The following AUTS2 variants were observed in gnomAD, a reference collection of about 807,000 sequenced individuals.
AUTS2 encodes the protein activator of transcription and developmental regulator AUTS2, also known as autism susceptibility gene 2 protein.
Under a neutral mutation model 112.4 loss-of-function variants are expected in AUTS2, and 17 were observed. The ratio of observed to expected loss-of-function variants is 0.15; its 90% CI spans 0.10 to 0.23. The LOEUF is 0.23. AUTS2 is among the 10% of genes least tolerant of loss of function. The pLI, the probability that AUTS2 is intolerant of heterozygous loss-of-function variation, is 1.00. For synonymous variants in AUTS2, 751 were observed against 702.7 expected (o/e 1.07, Z -1.09); for missense variants, 1,510 against 1,701.6 (o/e 0.89, Z 1.98).
intron 5 of AUTS2, among the ~76,000 whole-genome samples, chr7:70,531,366 G>A (rs986637733): frequency 6.6e-6 from 1 of 152,160 alleles, no homozygotes; most frequent in Admixed American, 6.5e-5. Flanking sequence ...TGTGCGTGAG[G>A]GTTGTCTTAG....
At chr7:70,418,885 C>T (rs1795099126) in intron 4 of AUTS2, among the ~76,000 whole-genome samples, 1 of 151,412 alleles carries the variant, frequency 6.6e-6, no homozygotes, top group African/African-American at 2.4e-5. Flanking sequence ...GTATGCTTAG[C>T]AATTTTAAAG....
At chr7:69,808,606 G>A (rs1211893684) in intron 1 of AUTS2, among the ~76,000 whole-genome samples, 1 of 152,096 alleles carries the variant, frequency 6.6e-6, no homozygotes, top group Non-Finnish European at 1.5e-5. Flanking sequence ...TTATCTGGAT[G>A]GGCCCTTAGC....
At chr7:70,585,680 C>T (rs1466802881) in intron 5 of AUTS2, among the ~76,000 whole-genome samples, 6 of 152,028 alleles carry the variant, frequency 3.9e-5, no homozygotes, top group South Asian at 2.1e-4. Context: ...TAAAAGTATC[C>T]GAGTTTGAAT....
intron 1 of AUTS2, among the ~76,000 whole-genome samples, chr7:69,732,850 G>A: frequency 6.6e-6 from 1 of 152,114 alleles, no homozygotes; most frequent in East Asian, 1.9e-4. Context: ...CTTCTTCCTG[G>A]CACAGCTTTT....
At chr7:70,614,941 G>T (rs1442263017) in intron 5 of AUTS2, among the ~76,000 whole-genome samples, 1 of 152,318 alleles carries the variant, frequency 6.6e-6, no homozygotes, top group East Asian at 1.9e-4. Context: ...GATCACACAC[G>T]CATTGTTCTC....
chr7:70,025,274 C>T (rs1330935595), intron 2 of AUTS2, among the ~76,000 whole-genome samples: 1 of 152,036 alleles, frequency 6.6e-6, no homozygotes, highest in African/African-American at 2.4e-5. Context: ...TAAAGAGCTG[C>T]TAGCTTTTAT....
At chr7:70,033,608 A>G (rs903823962) in intron 2 of AUTS2, among the ~76,000 whole-genome samples, 1 of 152,318 alleles carries the variant, frequency 6.6e-6, no homozygotes, top group East Asian at 1.9e-4. Flanking sequence ...TAAGGAGAGA[A>G]TGTTGAAACC....
intron 2 of AUTS2, among the ~76,000 whole-genome samples, chr7:70,107,200 CA>C (rs1804809321): frequency 6.6e-6 from 1 of 152,024 alleles, no homozygotes; most frequent in Admixed American, 6.5e-5. Context: ...GTTTCAAGAA[CA>C]AAATCAGTGA....
intron 2 of AUTS2, among the ~76,000 whole-genome samples, chr7:69,976,570 C>T (rs1276171751): frequency 6.6e-6 from 1 of 152,164 alleles, no homozygotes; most frequent in Non-Finnish European, 1.5e-5. Context: ...AGCAGTTGCA[C>T]CATTTTACAA....
chr7:69,731,085 C>T (rs970563607), intron 1 of AUTS2, among the ~76,000 whole-genome samples: 1 of 152,108 alleles, frequency 6.6e-6, no homozygotes, highest in Non-Finnish European at 1.5e-5. Context: ...CACTTGAACC[C>T]GTTTGAGACC....
chr7:69,791,802 G>A (rs1358114069), intron 1 of AUTS2, among the ~76,000 whole-genome samples: 1 of 152,242 alleles, frequency 6.6e-6, no homozygotes, highest in African/African-American at 2.4e-5. Flanking sequence ...AGTTGCAGAA[G>A]TGTGAATCTT....
intron 1 of AUTS2, among the ~76,000 whole-genome samples, chr7:69,734,544 G>A (rs1057047959): frequency 6.6e-6 from 1 of 151,758 alleles, no homozygotes; most frequent in Non-Finnish European, 1.5e-5. Context: ...TCATACTATG[G>A]CTGCAGAAGT....
chr7:70,787,152 T>G, intron 17 of AUTS2, 57 bp from the exon 18 acceptor site: 1 of 1,542,766 alleles, frequency 6.5e-7, no homozygotes, highest in South Asian at 1.1e-5. Context: ...GTACCTTCAT[T>G]ACAGCAGATT....
intron 4 of AUTS2, among the ~76,000 whole-genome samples, chr7:70,304,440 G>A (rs540230069): frequency 2.6e-5 from 4 of 152,270 alleles, no homozygotes; most frequent in African/African-American, 7.2e-5. Context: ...CCCTGGATCC[G>A]AATTGCCACT....
At chr7:70,552,035 T>G (rs1413684270) in intron 5 of AUTS2, among the ~76,000 whole-genome samples, 1 of 152,180 alleles carries the variant, frequency 6.6e-6, no homozygotes, top group Non-Finnish European at 1.5e-5. Flanking sequence ...AAGTTAATAC[T>G]ATATTTTTAA....
chr7:70,618,903 C>T (rs1478044834), intron 5 of AUTS2, among the ~76,000 whole-genome samples: 1 of 152,242 alleles, frequency 6.6e-6, no homozygotes, highest in African/African-American at 2.4e-5. Context: ...GGGTTTGATC[C>T]TCTTCTCCAC....
intron 4 of AUTS2, among the ~76,000 whole-genome samples, chr7:70,151,109 C>T (rs1447576689): frequency 1.3e-5 from 2 of 152,076 alleles, no homozygotes; most frequent in Non-Finnish European, 2.9e-5. Flanking sequence ...GGAGAAGATA[C>T]TGAGAGTCCA....
chr7:70,441,107 G>A (rs572443930), intron 5 of AUTS2, among the ~76,000 whole-genome samples: 1 of 152,234 alleles, frequency 6.6e-6, no homozygotes, highest in Admixed American at 6.5e-5. Flanking sequence ...TGTAGATACC[G>A]GGCATAAGTA....
At chr7:69,800,653 C>G (rs1314493315) in intron 1 of AUTS2, among the ~76,000 whole-genome samples, 4 of 152,148 alleles carry the variant, frequency 2.6e-5, no homozygotes, top group Non-Finnish European at 5.9e-5. Context: ...AGAATTCTGG[C>G]AGAGTTTGAT....
Sources: allele counts gnomAD v4.1 joint callset (sites outside exome capture counted in the v4.1 genomes callset), GRCh38; gene constraint gnomAD v4.1.1; transcripts MANE v1.5; gene names NCBI Gene and HGNC (gene_info 2026-07-23, HGNC 2026-07-21).